Variants in PABPC4L observed in about 807,000 individuals in gnomAD.
PABPC4L encodes poly(A) binding protein cytoplasmic 4 like.
For synonymous variants in PABPC4L, 169 were observed against 164.1 expected (o/e 1.03, Z -0.23); for missense variants, 452 against 451.4 (o/e 1.00, Z -0.01).
chr4:134,033,223 G>C, the PABPC4L span, among the ~76,000 whole-genome samples: 2 of 151,528 alleles, frequency 1.3e-5, no homozygotes, highest in Non-Finnish European at 3.0e-5. Flanking sequence ...TGTTCTGGAG[G>C]ACCACAAACC....
the PABPC4L span, among the ~76,000 whole-genome samples, chr4:134,100,167 A>T: frequency 6.6e-6 from 1 of 151,628 alleles, no homozygotes; most frequent in African/African-American, 2.4e-5. Context: ...CATTTTAATA[A>T]TGTGGCTTGA....
At chr4:134,058,865 AG>A in the PABPC4L span, among the ~76,000 whole-genome samples, 2 of 152,046 alleles carry the variant, frequency 1.3e-5, no homozygotes, top group Non-Finnish European at 2.9e-5. Flanking sequence ...AACAGATGGG[AG>A]ATGTCAGTGA....
chr4:134,151,044 T>C, the PABPC4L span, among the ~76,000 whole-genome samples: 1 of 152,162 alleles, frequency 6.6e-6, no homozygotes, highest in Admixed American at 6.5e-5. Context: ...AATGAATACA[T>C]ACTATATAAT....
At chr4:134,187,227 T>C in the PABPC4L span, among the ~76,000 whole-genome samples, 1 of 151,966 alleles carries the variant, frequency 6.6e-6, no homozygotes, top group African/African-American at 2.4e-5. Flanking sequence ...CCTGCTGCTA[T>C]AAAAACGTAG....
the PABPC4L span, among the ~76,000 whole-genome samples, chr4:134,168,784 A>G: frequency 6.6e-6 from 1 of 152,022 alleles, no homozygotes; most frequent in Non-Finnish European, 1.5e-5. Flanking sequence ...AAAATATTCT[A>G]TCAAAGAAAA....
chr4:134,176,436 G>A, the PABPC4L span, among the ~76,000 whole-genome samples: 1 of 152,022 alleles, frequency 6.6e-6, no homozygotes, highest in Non-Finnish European at 1.5e-5. Context: ...GCAGGAGTTG[G>A]AGACCAGCCT....
the PABPC4L span, among the ~76,000 whole-genome samples, chr4:134,165,588 C>T: frequency 6.6e-6 from 1 of 152,096 alleles, no homozygotes; most frequent in Non-Finnish European, 1.5e-5. Flanking sequence ...TATTGAGATA[C>T]CTCCTTATAC....
chr4:133,985,196 C>T, the PABPC4L span, among the ~76,000 whole-genome samples: 3 of 151,768 alleles, frequency 2.0e-5, no homozygotes, highest in Non-Finnish European at 2.9e-5. Flanking sequence ...CTGGAAATGC[C>T]TAAGAAAAAT....
chr4:134,182,012 AC>A, the PABPC4L span, among the ~76,000 whole-genome samples: 20 of 151,564 alleles, frequency 1.3e-4, no homozygotes, highest in Non-Finnish European at 2.2e-4. Context: ...AAAAAAAAAA[AC>A]AAAAATTAAA....
chr4:134,103,493 A>G, the PABPC4L span, among the ~76,000 whole-genome samples: 1 of 151,582 alleles, frequency 6.6e-6, no homozygotes, highest in South Asian at 2.1e-4. Context: ...CCGTTTGTGC[A>G]TTCTCTGTAT....
chr4:134,095,498 G>A, the PABPC4L span, among the ~76,000 whole-genome samples: 4 of 151,816 alleles, frequency 2.6e-5, no homozygotes, highest in African/African-American at 9.7e-5. Context: ...AAAATAGATG[G>A]AATATTAAAT....
At chr4:134,119,191 C>A in the PABPC4L span, among the ~76,000 whole-genome samples, 5 of 151,562 alleles carry the variant, frequency 3.3e-5, no homozygotes, top group African/African-American at 1.2e-4. Flanking sequence ...AAGAGGAGAA[C>A]CATGAAATTT....
chr4:134,003,537 T>C, the PABPC4L span, among the ~76,000 whole-genome samples: 1 of 152,040 alleles, frequency 6.6e-6, no homozygotes, highest in East Asian at 1.9e-4. Flanking sequence ...AAATCATTCA[T>C]CAATTTTTAA....
the PABPC4L span, among the ~76,000 whole-genome samples, chr4:134,190,943 C>T: frequency 6.6e-6 from 1 of 152,132 alleles, no homozygotes; most frequent in Non-Finnish European, 1.5e-5. Context: ...TGAGGCTCTG[C>T]ACTCAGCCTC....
the PABPC4L span, among the ~76,000 whole-genome samples, chr4:134,161,865 T>C: frequency 6.6e-6 from 1 of 152,132 alleles, no homozygotes; most frequent in South Asian, 2.1e-4. Context: ...TACAGCAATT[T>C]GTTGAGACTG....
chr4:134,060,244 C>T, the PABPC4L span, among the ~76,000 whole-genome samples: 2 of 151,914 alleles, frequency 1.3e-5, 1 homozygote, highest in South Asian at 4.1e-4. Context: ...TGGGGTACTA[C>T]ATAAACTAGA....
the PABPC4L span, among the ~76,000 whole-genome samples, chr4:134,054,080 T>G: frequency 6.6e-6 from 1 of 151,582 alleles, no homozygotes; most frequent in Non-Finnish European, 1.5e-5. Flanking sequence ...TTAATGAGAC[T>G]TAATACTAGA....
chr4:133,976,722 C>T, the PABPC4L span, among the ~76,000 whole-genome samples: 1 of 152,048 alleles, frequency 6.6e-6, no homozygotes, highest in African/African-American at 2.4e-5. Context: ...TGATATTGAT[C>T]TTTTTTTCAT....
At chr4:134,099,203 C>T in the PABPC4L span, among the ~76,000 whole-genome samples, 5 of 151,532 alleles carry the variant, frequency 3.3e-5, no homozygotes, top group East Asian at 7.8e-4. Context: ...TAATACTCTC[C>T]AATGTTTTTG....
Sources: allele counts gnomAD v4.1 joint callset (sites outside exome capture counted in the v4.1 genomes callset), GRCh38; gene constraint gnomAD v4.1.1; transcripts MANE v1.5; gene names NCBI Gene and HGNC (gene_info 2026-07-23, HGNC 2026-07-21).